The following SEC14L1 variants were observed in gnomAD, a reference collection of about 807,000 sequenced individuals.
SEC14L1 encodes the protein SEC14 like lipid binding 1, also known as SEC14-like protein 1.
In SEC14L1, 48 loss-of-function variants were observed where a neutral mutation model predicts 85.3. That is an observed-to-expected ratio of 0.56 (90% CI 0.45 to 0.72). SEC14L1 has a LOEUF of 0.72. SEC14L1 is among the 30% of genes least tolerant of loss of function. The pLI is 0.00. For missense variants in SEC14L1, 682 were observed against 921.4 expected (o/e 0.74, Z 3.36); for synonymous variants, 391 against 355.5 (o/e 1.10, Z -1.12).
intron 3 of SEC14L1, among the ~76,000 whole-genome samples, chr17:77,158,413 A>T (rs1053051217): frequency 9.9e-5 from 15 of 152,174 alleles, no homozygotes; most frequent in Non-Finnish European, 1.5e-4. Flanking sequence ...GTAGAATGAC[A>T]CTTGACCTTT....
chr17:77,106,422 C>T (rs767141793), intron 3 of SEC14L1, among the ~76,000 whole-genome samples: 6 of 152,068 alleles, frequency 3.9e-5, no homozygotes, highest in African/African-American at 7.2e-5. Context: ...GTCCCAGCTA[C>T]TCGGGAGACT....
intron 3 of SEC14L1, among the ~76,000 whole-genome samples, chr17:77,100,095 G>A (rs1308625500): frequency 1.3e-5 from 2 of 152,236 alleles, no homozygotes; most frequent in Admixed American, 6.5e-5. Flanking sequence ...CTTCAGCTTC[G>A]CTGGTTTTGT....
At chr17:77,126,834 G>A (rs954483350) in intron 3 of SEC14L1, among the ~76,000 whole-genome samples, 1 of 152,148 alleles carries the variant, frequency 6.6e-6, no homozygotes, top group African/African-American at 2.4e-5. Flanking sequence ...GGGCACCCTC[G>A]GGGTCCAGGA....
At chr17:77,186,438 A>ACG (rs1467065718) in intron 3 of SEC14L1, among the ~76,000 whole-genome samples, 2 of 152,160 alleles carry the variant, frequency 1.3e-5, no homozygotes, top group Non-Finnish European at 2.9e-5. Context: ...CTGCCTCTCC[A>ACG]CGCAGAGCGT....
chr17:77,206,121 T>G lies in SEC14L1; in HGVS notation c.1170-108T>G, dbSNP rs1415875189. ...AGCACTATAATTTAAAAAAATTGAT[T>G]ATGATGTATTTGGAAATAGCTATAA... On this transcript the variant is annotated intron_variant, in intron 11 of 16. Transcript: ENST00000436233. This position sits in a 1 kb window ranked among gnomAD's most constrained non-coding sequence, Gnocchi z 4.3. 3 of 1,071,352 alleles carry G rather than the reference T, an allele frequency of 2.8e-6. No individual in the cohort carries two copies. Among genetic ancestry groups the G allele is most frequent in the Non-Finnish European group, 4.0e-6 (3 of 743,316 alleles). 66.4% of individuals were successfully genotyped at this position (1,071,352 alleles called of 1,614,324 possible).
chr17:77,153,727 G>A (rs1353509694), intron 3 of SEC14L1, among the ~76,000 whole-genome samples: 1 of 152,106 alleles, frequency 6.6e-6, no homozygotes, highest in African/African-American at 2.4e-5. Flanking sequence ...TGGGCAGTCA[G>A]TCCTTGCCCT....
Position 77,191,321 on chromosome 17 carries a change from T to A in SEC14L1, c.345+9T>A. The A allele has an allele frequency of 5.0e-6, 8 of 1,614,028 alleles. No homozygotes were observed. The highest frequency in any genetic ancestry group is 5.9e-6 in the Non-Finnish European group (7 of 1,179,950). On this transcript the variant is annotated intron_variant, in intron 5 of 16. Coordinates refer to ENST00000436233, the MANE Select transcript of SEC14L1 (RefSeq NM_001143998.2). ...AGCATTGCTGCTACACCGTGAGTAA[T>A]CTGTCACTCGGCGGAAGATGTTCTG...
At chr17:77,119,225 T>C (rs1972242701) in intron 3 of SEC14L1, among the ~76,000 whole-genome samples, 1 of 151,492 alleles carries the variant, frequency 6.6e-6, no homozygotes, top group African/African-American at 2.4e-5. Flanking sequence ...CGAGAACTGC[T>C]TGAATCTGGG....
chr17:77,198,369 G>C (rs1283695252), intron 8 of SEC14L1, among the ~76,000 whole-genome samples: 1 of 152,024 alleles, frequency 6.6e-6, no homozygotes, highest in Non-Finnish European at 1.5e-5. Flanking sequence ...TGGCATTTAC[G>C]ATCTTTGTGA....
chr17:77,191,522 G>A (rs927816364), intron 5 of SEC14L1, among the ~76,000 whole-genome samples: 1 of 152,126 alleles, frequency 6.6e-6, no homozygotes, highest in Non-Finnish European at 1.5e-5. Flanking sequence ...AGGCAGCCAA[G>A]TGATGCCTTG....
Position 77,116,661 on chromosome 17 carries a change from T to C in SEC14L1, c.-136+23314T>C, listed in dbSNP as rs189935292. On this transcript the variant is annotated intron_variant, in intron 3 of 19. Transcript: ENST00000392476. ...TCATCATTGTTTGCATATTGTGTTT[T>C]ACAAGTCTGAGAAGTAGTACAGACA... Among the ~76,000 whole-genome samples, 3 of 152,336 alleles carry C rather than the reference T, an allele frequency of 2.0e-5. No individual in the cohort carries two copies. The East Asian group carries it at 5.8e-4, about 29-fold the overall frequency.
Position 77,215,233 on chromosome 17 carries a change from G to A in SEC14L1, c.*1210G>A. On this transcript the variant is annotated 3_prime_UTR_variant, in exon 17 of 17. Transcript: ENST00000436233. ...ATTTTGTTTAATTCCTGATTTTAAA[G>A]CCTGCTCTATCTGGTACAGGCCCTT... The A allele has an allele frequency of 1.0e-6, 1 of 985,420 alleles. No homozygotes were observed. Among genetic ancestry groups the A allele is most frequent in the East Asian group, 1.1e-4 (1 of 8,822 alleles). The allele number at this position is 985,420 out of a possible 1,614,324, so 61.0% of individuals were successfully genotyped here. A position where few individuals can be genotyped will look rare whatever the true frequency, so the allele number is the denominator to read the frequency against.
chr17:77,167,353 T>C (rs1974331498), intron 3 of SEC14L1, among the ~76,000 whole-genome samples: 1 of 152,162 alleles, frequency 6.6e-6, no homozygotes, highest in Non-Finnish European at 1.5e-5. Flanking sequence ...CAGGCTGGTC[T>C]CAAACTCTTG....
At chr17:77,114,078 G>T (rs888828982) in intron 3 of SEC14L1, among the ~76,000 whole-genome samples, 1 of 152,110 alleles carries the variant, frequency 6.6e-6, no homozygotes, top group Non-Finnish European at 1.5e-5. Flanking sequence ...TCAGCAAAGG[G>T]CGCCCTGGAT....
At chr17:77,171,733 A>G (rs1450731524) in intron 3 of SEC14L1, among the ~76,000 whole-genome samples, 1 of 152,262 alleles carries the variant, frequency 6.6e-6, no homozygotes, top group Admixed American at 6.5e-5. Flanking sequence ...ATGTTTGCGC[A>G]GAGCAGGTGC....
At chr17:77,157,596 C>T (rs1185574173) in intron 3 of SEC14L1, among the ~76,000 whole-genome samples, 3 of 151,332 alleles carry the variant, frequency 2.0e-5, no homozygotes, top group East Asian at 1.9e-4. Context: ...GGCATGATCT[C>T]GGCTCACTGC....
At chr17:77,177,875 A>G (rs1452273515) in intron 3 of SEC14L1, among the ~76,000 whole-genome samples, 1 of 152,160 alleles carries the variant, frequency 6.6e-6, no homozygotes, top group African/African-American at 2.4e-5. Context: ...ACCAGGAACA[A>G]TTTTGACAGG....
chr17:77,105,310 G>A (rs1352322772), intron 3 of SEC14L1, among the ~76,000 whole-genome samples: 1 of 150,950 alleles, frequency 6.6e-6, no homozygotes, highest in African/African-American at 2.4e-5. Context: ...CAGGGCTCAA[G>A]TGTGTGGTCA....
intron 3 of SEC14L1, among the ~76,000 whole-genome samples, chr17:77,120,384 T>C (rs573263316): frequency 1.3e-5 from 2 of 152,100 alleles, no homozygotes; most frequent in East Asian, 3.9e-4. Flanking sequence ...GACAGAGGTC[T>C]AGAACGTCGC....
Sources: allele counts gnomAD v4.1 joint callset (sites outside exome capture counted in the v4.1 genomes callset), GRCh38; gene constraint gnomAD v4.1.1; non-coding constraint Gnocchi (gnomAD v3.1); transcripts MANE v1.5; gene names NCBI Gene and HGNC (gene_info 2026-07-23, HGNC 2026-07-21).